The following CYLC1 variants were observed in gnomAD, a reference collection of about 807,000 sequenced individuals.
The protein encoded by CYLC1 is cylicin 1.
CYLC1 carries 2 observed loss-of-function variants against 31.6 expected under a neutral mutation model. The ratio of observed to expected loss-of-function variants is 0.06; its 90% CI spans 0.03 to 0.20. The LOEUF is 0.20. CYLC1 is among the 10% of genes least tolerant of loss of function. CYLC1 has a pLI of 1.00. For synonymous variants in CYLC1, 185 were observed against 153.0 expected, an observed-to-expected ratio of 1.21 and a Z score of -1.54; for missense variants, 595 against 424.1, an observed-to-expected ratio of 1.40 and a Z score of -3.54.
At position 83,871,440 on chromosome X, in the gene CYLC1, T is replaced by C. The variant is rs1339736538; in HGVS notation, c.59-12T>C. On this transcript the variant is annotated splice_polypyrimidine_tract_variant and intron_variant, in intron 2 of 4. Transcript: ENST00000329312. ...ATTAACTCCAAATTGTTTATTATCCTTTCTCATTTAGTCAGTGAATCAAGC... is the reference window on the plus strand; with the variant it reads ...ATTAACTCCAAATTGTTTATTATCCCTTCTCATTTAGTCAGTGAATCAAGC... The C allele has an allele frequency of 2.6e-6, 3 of 1,169,844 alleles. No homozygotes were observed. Among genetic ancestry groups the C allele is most frequent in the East Asian group, 3.0e-5 (1 of 33,306 alleles).
intron 3 of CYLC1, among the ~76,000 whole-genome samples, chrX:83,871,821 A>G (rs1405673322): frequency 9.0e-6 from 1 of 110,874 alleles, no homozygotes; most frequent in African/African-American, 3.3e-5. Context: ...TTCTATCAGG[A>G]CATGTTTACC....
chrX:83,877,096 G>T (rs962418593), intron 4 of CYLC1, among the ~76,000 whole-genome samples: 1 of 110,550 alleles, frequency 9.0e-6, no homozygotes, highest in Non-Finnish European at 1.9e-5. Context: ...CATCTTATCA[G>T]ATGGCACCAC....
rs1157108952 is a variant in CYLC1 at position 83,873,176 on chromosome X, T to C, written c.468T>C (p.Asn156=). 1 of 1,205,839 alleles carries C rather than the reference T, an allele frequency of 8.3e-7. No homozygotes were observed. Residue 156 remains asparagine, a synonymous_variant, in exon 4 of 5, where the codon AAT becomes AAC. Transcript: ENST00000329312. ...QIVEEKTKRQ[N]EADKTPLKSS... is the part of the protein sequence containing the mutation. Reference sequence around the variant, plus strand: ...TAGAAGAGAAAACTAAAAGACAAAATGAGGCAGATAAAACTCCCTTAAAAT... The same window carrying C: ...TAGAAGAGAAAACTAAAAGACAAAACGAGGCAGATAAAACTCCCTTAAAAT...
chrX:83,865,439 T>A (rs930573179), intron 1 of CYLC1, among the ~76,000 whole-genome samples: 1 of 111,866 alleles, frequency 8.9e-6, no homozygotes, highest in African/African-American at 3.2e-5. Context: ...TTTGATCTCT[T>A]ATTTAGATTA....
intron 1 of CYLC1, chrX:83,864,661 A>T (rs1311867244): frequency 3.2e-6 from 1 of 308,001 alleles, no homozygotes; most frequent in Admixed American, 3.6e-5. Flanking sequence ...AGATTCCCAG[A>T]CCCATTACTG....
In CYLC1 at chrX:83,873,723, G is replaced by T. The variant is rs199590118; in HGVS notation, c.1015G>T (p.Asp339Tyr). ...AGAGTCTACTGATGCTGAATCTGGA[G>T]ACTCAAAGGATGAAAGGAAAGATAC... ...DTESTDAESG[D>Y]SKDERKDTKK... is the part of the protein sequence containing the mutation. Residue 339 changes from aspartate to tyrosine, a missense_variant, in exon 4 of 5, where the codon GAC (aspartate) becomes TAC (tyrosine). Transcript: ENST00000329312. The T allele has an allele frequency of 2.9e-4, 341 of 1,185,839 alleles. No homozygotes were observed. Among genetic ancestry groups the T allele is most frequent in the Non-Finnish European group, 3.7e-4 (321 of 878,959 alleles).
At position 83,873,706 on chromosome X, in the gene CYLC1, C is replaced by T. The variant is rs1385651817; in HGVS notation, c.998C>T (p.Thr333Ile). Residue 333 changes from threonine to isoleucine, a missense_variant, in exon 4 of 5, where the codon ACT becomes ATT. Coordinates refer to ENST00000329312, the MANE Select transcript of CYLC1 (RefSeq NM_021118.3). The part of the protein sequence containing the change: ...KKDVKKDTES[T>I]DAESGDSKDE... ...GATGTAAAGAAGGACACAGAGTCTA[C>T]TGATGCTGAATCTGGAGACTCAAAG... 3.3e-6 allele frequency: 4 copies of T among 1,194,547 alleles called. No homozygotes were observed. The Admixed American group carries it at 9.0e-5, about 27-fold the overall frequency.
intron 3 of CYLC1, 52 bp downstream of exon 3, chrX:83,871,622 T>C (rs2031666277): frequency 1.4e-5 from 15 of 1,077,540 alleles, no homozygotes; most frequent in Non-Finnish European, 1.9e-5. Flanking sequence ...TGGTAAAGCA[T>C]ATATAAATAT....
At chrX:83,882,071 C>T (rs945923964) in intron 4 of CYLC1, among the ~76,000 whole-genome samples, 21 of 111,294 alleles carry the variant, frequency 1.9e-4, no homozygotes, top group Non-Finnish European at 5.7e-5. Flanking sequence ...GATAAAGTTA[C>T]AGTCAAGTAC....
At chrX:83,884,149 G>A (rs948565702) in intron 4 of CYLC1, among the ~76,000 whole-genome samples, 1 of 111,589 alleles carries the variant, frequency 9.0e-6, no homozygotes, top group Non-Finnish European at 1.9e-5. Context: ...TTGGCAAGTG[G>A]CATGATAAGC....
At position 83,867,010 on chromosome X, in the gene CYLC1, C is replaced by T. The variant is rs185724946; in HGVS notation, c.18-2855C>T. On this transcript the variant is annotated intron_variant, in intron 1 of 4. Transcript: ENST00000329312. ...CTCAACTGAATATCCAAGTTCATTA[C>T]TCAAGTTATGTTCTTCACATAACTG... Among the ~76,000 whole-genome samples, 538 of 111,548 alleles carry T rather than the reference C, an allele frequency of 4.8e-3. 4 individuals are homozygous for T. Among genetic ancestry groups the T allele is most frequent in the African/African-American group, 0.016 (498 of 30,761 alleles).
chrX:83,872,295 C>T (rs765275230), intron 3 of CYLC1, among the ~76,000 whole-genome samples: 2 of 111,201 alleles, frequency 1.8e-5, no homozygotes, highest in Non-Finnish European at 3.8e-5. Context: ...TACACCACTG[C>T]TGCACAAGTT....
chrX:83,872,939 A>G lies in CYLC1; in HGVS notation c.231A>G (p.Ile77Met), dbSNP rs149962384. 6.7e-6 allele frequency: 8 copies of G among 1,196,211 alleles called. No individual in the cohort carries two copies. In the Admixed American group the frequency reaches 1.2e-4, roughly 17 times the overall value. ...EEGQKPAHKW[I>M]RHSFRKILQW... ...GCCAGAAACCAGCTCATAAATGGAT[A>G]AGGCATTCTTTCAGAAAAATTTTGC... Residue 77 changes from isoleucine (I) to methionine (M), a missense_variant, in exon 4 of 5, where the codon ATA becomes ATG. By Grantham distance (10) the Ile-to-Met change is conservative. Transcript: ENST00000329312.
chrX:83,873,347 C>T lies in CYLC1; in HGVS notation c.639C>T (p.Phe213=), dbSNP rs199676239. 3.6e-5 allele frequency: 43 copies of T among 1,200,165 alleles called. No individual in the cohort carries two copies. In the East Asian group the frequency reaches 1.2e-3, roughly 33 times the overall value. ...SKNSKKTNTE[F]LHTKNNPKKD... ...ATTCCAAGAAGACAAACACTGAATT[C>T]CTACATACAAAGAACAATCCAAAGA... The change falls in exon 4 of 5, where the codon TTC becomes TTT. Residue 213 remains phenylalanine, a synonymous_variant. Coordinates refer to ENST00000329312, the MANE Select transcript of CYLC1 (RefSeq NM_021118.3).
chrX:83,872,937 A>G lies in CYLC1; in HGVS notation c.229A>G (p.Ile77Val). 8.3e-7 allele frequency: 1 copy of G among 1,197,767 alleles called. No homozygotes were observed. The highest frequency in any genetic ancestry group is 1.1e-6 in the Non-Finnish European group (1 of 890,729). ...AGGCCAGAAACCAGCTCATAAATGG[A>G]TAAGGCATTCTTTCAGAAAAATTTT... ...EEGQKPAHKW[I>V]RHSFRKILQW... The change falls in exon 4 of 5, where the codon ATA (isoleucine) becomes GTA (valine). Residue 77 changes from isoleucine (I) to valine (V), a missense_variant. Physicochemically the swap from Ile to Val is conservative, Grantham distance 29. Coordinates refer to ENST00000329312, the MANE Select transcript of CYLC1 (RefSeq NM_021118.3).
At chrX:83,883,772 G>GA (rs2031945340) in intron 4 of CYLC1, among the ~76,000 whole-genome samples, 1 of 111,711 alleles carries the variant, frequency 9.0e-6, no homozygotes, top group Non-Finnish European at 1.9e-5. Flanking sequence ...AATATTTGCT[G>GA]AAAAATTGAA....
intron 1 of CYLC1, among the ~76,000 whole-genome samples, chrX:83,862,460 A>G (rs969036606): frequency 1.9e-4 from 21 of 110,535 alleles, no homozygotes; most frequent in Non-Finnish European, 3.2e-4. Context: ...GGAGAATGGC[A>G]TGAACCTGGG....
At chrX:83,874,702 T>C (rs2031735437) in intron 4 of CYLC1, 71 bp downstream of exon 4, 3 of 1,024,754 alleles carry the variant, frequency 2.9e-6, no homozygotes, top group Admixed American at 7.1e-5. Context: ...AGTTTGAATT[T>C]ATGTTTTCTC....
At chrX:83,879,491 A>G (rs1002002572) in intron 4 of CYLC1, among the ~76,000 whole-genome samples, 4 of 111,947 alleles carry the variant, frequency 3.6e-5, no homozygotes, top group African/African-American at 1.3e-4. Context: ...ACATACATCT[A>G]TTGTTATTGT....
Sources: allele counts gnomAD v4.1 joint callset (sites outside exome capture counted in the v4.1 genomes callset), GRCh38; gene constraint gnomAD v4.1.1; transcripts MANE v1.5; gene names NCBI Gene and HGNC (gene_info 2026-07-23, HGNC 2026-07-21).